The following TSPAN33 variants were observed in gnomAD, a reference collection of about 807,000 sequenced individuals.
TSPAN33 encodes tetraspanin 33.
TSPAN33 carries 27 observed loss-of-function variants against 34.8 expected under a neutral mutation model. That is an observed-to-expected ratio of 0.78 (90% CI 0.57 to 1.07). The LOEUF is 1.07. Ranked by LOEUF, TSPAN33 falls within the 50% of genes least tolerant of loss-of-function variation. The probability of loss-of-function intolerance (pLI) is 0.00; values close to 1 mark genes in which losing one functional copy is unlikely to be tolerated. For missense variants in TSPAN33, 272 were observed against 324.9 expected (o/e 0.84, Z 1.25); for synonymous variants, 119 against 124.2 (o/e 0.96, Z 0.28).
At chr7:129,146,253 C>A (rs1810518732) in intron 1 of TSPAN33, among the ~76,000 whole-genome samples, 1 of 152,110 alleles carries the variant, frequency 6.6e-6, no homozygotes, top group African/African-American at 2.4e-5. Context: ...AGACACAAAG[C>A]CCATAAGTGC....
intron 1 of TSPAN33, among the ~76,000 whole-genome samples, chr7:129,145,857 C>T (rs1279527487): frequency 6.6e-6 from 1 of 151,938 alleles, no homozygotes; most frequent in Non-Finnish European, 1.5e-5. Flanking sequence ...CATGTATGTT[C>T]ATGTCTGCAG....
At position 129,148,849 on chromosome 7, in the gene TSPAN33, T is replaced by C. The variant is rs1810554497; in HGVS notation, c.102+3767T>C. On this transcript the variant is annotated intron_variant, in intron 1 of 7. Coordinates refer to ENST00000486685, the MANE Select transcript of TSPAN33 (RefSeq NM_178562.5). The surrounding 1 kb of genome is among the most constrained non-coding windows in gnomAD (Gnocchi z 4.2). ...TCCACTCTCCCATCCAGGACTACTG[T>C]ATTGGAGTCCTTGGGCACTCAGAAT... Among the ~76,000 whole-genome samples the C allele has an allele frequency of 6.6e-6, 1 of 152,150 alleles. No homozygotes were observed. The highest frequency in any genetic ancestry group is 1.5e-5 in the Non-Finnish European group (1 of 68,024).
chr7:129,150,732 G>A (rs546832222), intron 1 of TSPAN33, among the ~76,000 whole-genome samples: 2 of 152,064 alleles, frequency 1.3e-5, no homozygotes, highest in Non-Finnish European at 2.9e-5. Flanking sequence ...AAAAAGTACT[G>A]CCACTGCTGT....
chr7:129,163,604 A>C (rs1489704861), intron 4 of TSPAN33, among the ~76,000 whole-genome samples: 1 of 152,222 alleles, frequency 6.6e-6, no homozygotes, highest in East Asian at 1.9e-4. Flanking sequence ...CCAAGGGCAG[A>C]CTACAAAACT....
chr7:129,164,668 C>T, intron 5 of TSPAN33, 99 bp downstream of exon 5: 3 of 1,110,342 alleles, frequency 2.7e-6, no homozygotes, highest in East Asian at 2.4e-5. Context: ...TCATTACCTG[C>T]CAGGTAATGG....
intron 1 of TSPAN33, among the ~76,000 whole-genome samples, chr7:129,159,668 T>G (rs1793020174): frequency 6.6e-6 from 1 of 152,208 alleles, no homozygotes; most frequent in African/African-American, 2.4e-5. Context: ...GGTGGAGGAC[T>G]GGCCACCAGG....
At position 129,167,489 on chromosome 7, in the gene TSPAN33, A is replaced by T; in HGVS notation, c.679A>T (p.Lys227Ter). The change falls in exon 7 of 8, where the codon AAG becomes TAG. Residue 227 changes from lysine (K) to a stop codon, truncating the protein, a stop_gained. Coordinates refer to ENST00000486685, the MANE Select transcript of TSPAN33 (RefSeq NM_178562.5). LOFTEE classifies it high-confidence loss of function. This position sits in a 1 kb window ranked among gnomAD's most constrained non-coding sequence, Gnocchi z 4.6. ...CATCTACACCAATGGCTGTATTGAC[A>T]AGTTGGTCAACTGGATACACAGCAA... is the stretch of plus-strand genomic sequence containing the variant. ...KVIYTNGCID[K>*]LVNWIHSNLF... 6.2e-7 allele frequency: 1 copy of T among 1,614,232 alleles called. No homozygotes were observed. Among genetic ancestry groups the T allele is most frequent in the East Asian group, 2.2e-5 (1 of 44,886 alleles).
chr7:129,156,782 C>T (rs774990276), intron 1 of TSPAN33, among the ~76,000 whole-genome samples: 25 of 152,110 alleles, frequency 1.6e-4, no homozygotes, highest in Non-Finnish European at 3.2e-4. Context: ...TCATCTCGTG[C>T]CTTTCCTGCC....
intron 1 of TSPAN33, among the ~76,000 whole-genome samples, chr7:129,161,217 G>A (rs952503717): frequency 2.6e-5 from 4 of 152,196 alleles, no homozygotes; most frequent in African/African-American, 7.2e-5. Flanking sequence ...GGGACTACAG[G>A]TGCACACCAC....
At chr7:129,163,156 G>A (rs1024298770) in intron 4 of TSPAN33, among the ~76,000 whole-genome samples, 1 of 152,096 alleles carries the variant, frequency 6.6e-6, no homozygotes, top group African/African-American at 2.4e-5. Flanking sequence ...CAAACACAAA[G>A]TTAAAATAAC....
In TSPAN33 at chr7:129,155,797, C is replaced by T. The variant is rs191182742; in HGVS notation, c.103-5882C>T. Among the ~76,000 whole-genome samples, 444 of 152,236 alleles carry T rather than the reference C, an allele frequency of 2.9e-3. 1 individual carries two copies. The highest frequency in any genetic ancestry group is 0.01 in the African/African-American group (417 of 41,518). ...AGTGCAGTGGCACAATCATGGCTCA[C>T]TGCAGCCTCAACCTCCTGGGGTCAA... On this transcript the variant is annotated intron_variant, in intron 1 of 7. Transcript: ENST00000486685.
At position 129,148,850 on chromosome 7, in the gene TSPAN33, A is replaced by G. The variant is rs1034578880; in HGVS notation, c.102+3768A>G. 9.2e-5 allele frequency among the ~76,000 whole-genome samples: 14 copies of G among 152,256 alleles called. No individual in the cohort carries two copies. Among genetic ancestry groups the G allele is most frequent in the Admixed American group, 3.3e-4 (5 of 15,298 alleles). ...CCACTCTCCCATCCAGGACTACTGT[A>G]TTGGAGTCCTTGGGCACTCAGAATC... On this transcript the variant is annotated intron_variant, in intron 1 of 7. Transcript: ENST00000486685. This position sits in a 1 kb window ranked among gnomAD's most constrained non-coding sequence, Gnocchi z 4.2.
chr7:129,146,000 G>A (rs1317387085), intron 1 of TSPAN33, among the ~76,000 whole-genome samples: 1 of 151,940 alleles, frequency 6.6e-6, no homozygotes, highest in African/African-American at 2.4e-5. Context: ...GAGAGTCCTG[G>A]AGGTCCTGGG....
chr7:129,167,084 T>A lies in TSPAN33; in HGVS notation c.588+178T>A, dbSNP rs1487213999. Reference sequence around the variant, plus strand: ...TTCTATTAACCTCATACTCATGTAGTCCACATGGAGTTCAGAAGGGACAGA... The same window carrying A: ...TTCTATTAACCTCATACTCATGTAGACCACATGGAGTTCAGAAGGGACAGA... On this transcript the variant is annotated intron_variant, in intron 6 of 7. Transcript: ENST00000486685. The surrounding 1 kb of genome is among the most constrained non-coding windows in gnomAD (Gnocchi z 4.6). Among the ~76,000 whole-genome samples the A allele has an allele frequency of 6.6e-6, 1 of 152,218 alleles. No individual in the cohort carries two copies. The highest frequency in any genetic ancestry group is 1.5e-5 in the Non-Finnish European group (1 of 68,030).
At chr7:129,163,354 T>G (rs1266409314) in intron 4 of TSPAN33, among the ~76,000 whole-genome samples, 28 of 143,728 alleles carry the variant, frequency 1.9e-4, no homozygotes, top group African/African-American at 4.2e-4. Context: ...TTTTTTTGGT[T>G]GTTGTTTTTG....
rs149025874 is a variant in TSPAN33, at chr7:129,153,977, A to G, written c.103-7702A>G. 2.0e-5 allele frequency among the ~76,000 whole-genome samples: 3 copies of G among 152,154 alleles called. No homozygotes were observed. In the East Asian group the frequency reaches 5.8e-4, roughly 29 times the overall value. On this transcript the variant is annotated intron_variant, in intron 1 of 7. Coordinates refer to ENST00000486685, the MANE Select transcript of TSPAN33 (RefSeq NM_178562.5). ...AAAGAAGAAGAATATGACAAAATCTATAATGTACACCAACAGAGCACTGTG... is the reference window on the plus strand; with the variant it reads ...AAAGAAGAAGAATATGACAAAATCTGTAATGTACACCAACAGAGCACTGTG...
rs1360812591 is a variant in TSPAN33 at position 129,148,944 on chromosome 7, A to G, written c.102+3862A>G. ...AACCATGAGGAAGTAACCAGGCATC[A>G]AGCCAGGCAAAAACCTCTTCTAAGT... On this transcript the variant is annotated intron_variant, in intron 1 of 7. Transcript: ENST00000486685. The surrounding 1 kb of genome is among the most constrained non-coding windows in gnomAD (Gnocchi z 4.2). Among the ~76,000 whole-genome samples the G allele has an allele frequency of 6.6e-6, 1 of 152,080 alleles. No individual in the cohort carries two copies. Among genetic ancestry groups the G allele is most frequent in the African/African-American group, 2.4e-5 (1 of 41,404 alleles).
chr7:129,158,323 T>C (rs976942899), intron 1 of TSPAN33, among the ~76,000 whole-genome samples: 1 of 152,216 alleles, frequency 6.6e-6, no homozygotes, highest in Non-Finnish European at 1.5e-5. Flanking sequence ...CTCTCCACCA[T>C]AGATAGAGAC....
chr7:129,167,559 A>G lies in TSPAN33; in HGVS notation c.749A>G (p.Gln250Arg). ...GGVALGLAIP[Q>R]LVGILLSQIL... ...GTGGCTCTAGGCCTGGCCATCCCCC[A>G]GGTAACTTACCCTGTGAGACTTGTT... The change falls in exon 7 of 8, where the codon CAG (glutamine) becomes CGG (arginine). Residue 250 changes from glutamine (Q) to arginine (R), a missense_variant and splice_region_variant. Coordinates refer to ENST00000486685, the MANE Select transcript of TSPAN33 (RefSeq NM_178562.5). This position sits in a 1 kb window ranked among gnomAD's most constrained non-coding sequence, Gnocchi z 4.6. 6.2e-7 allele frequency: 1 copy of G among 1,613,616 alleles called. No individual in the cohort carries two copies. The highest frequency in any genetic ancestry group is 1.1e-5 in the South Asian group (1 of 90,996).
Sources: gnomAD v4.1 joint callset for allele counts (sites outside exome capture counted in the v4.1 genomes callset) on GRCh38, gnomAD v4.1.1 for gene constraint, Gnocchi (gnomAD v3.1) non-coding constraint, MANE v1.5 for transcripts, NCBI Gene and HGNC (gene_info 2026-07-23, HGNC 2026-07-21) for gene names.